The following ITPR1 variants were observed in gnomAD, a reference collection of about 807,000 sequenced individuals.
The protein encoded by ITPR1 is inositol 1,4,5-trisphosphate-gated calcium channel ITPR1.
Under a neutral mutation model 318.4 loss-of-function variants are expected in ITPR1, and 96 were observed. The ratio of observed to expected loss-of-function variants is 0.30; its 90% confidence interval spans 0.26 to 0.36. The LOEUF is 0.36. Ranked by LOEUF, ITPR1 falls within the 10% of genes least tolerant of loss-of-function variation. The probability of loss-of-function intolerance (pLI) is 1.00; values close to 1 mark genes in which losing one functional copy is unlikely to be tolerated. For missense variants in ITPR1, 2,440 were observed against 3,460.2 expected (o/e 0.71, Z 7.40); for synonymous variants, 1,312 against 1,289.9 (o/e 1.02, Z -0.37).
chr3:4,537,522 A>G (rs184983823), intron 4 of ITPR1, among the ~76,000 whole-genome samples: 25 of 152,320 alleles, frequency 1.6e-4, no homozygotes, highest in African/African-American at 5.5e-4. Flanking sequence ...CTCATATGGT[A>G]TAGGGATTTC....
chr3:4,499,769 G>A (rs917220856), intron 2 of ITPR1, among the ~76,000 whole-genome samples: 1 of 152,150 alleles, frequency 6.6e-6, no homozygotes, highest in Non-Finnish European at 1.5e-5. Context: ...CCATAATTTG[G>A]TAGTTAGATG....
intron 4 of ITPR1, among the ~76,000 whole-genome samples, chr3:4,624,772 G>C (rs117480257): frequency 6.6e-6 from 1 of 151,456 alleles, no homozygotes; most frequent in African/African-American, 2.4e-5. Context: ...GAAACACATA[G>C]ATGCTTTGGG....
intron 44 of ITPR1, chr3:4,751,123 C>T (rs1472491735): frequency 6.6e-6 from 1 of 152,612 alleles, no homozygotes; most frequent in Admixed American, 6.5e-5. Flanking sequence ...CCTCCTTTGT[C>T]CTCTTGCCCT....
chr3:4,796,822 T>G (rs1041821255), intron 53 of ITPR1, among the ~76,000 whole-genome samples: 16 of 152,328 alleles, frequency 1.1e-4, no homozygotes, highest in Admixed American at 5.9e-4. Flanking sequence ...CTTGTCATCC[T>G]TTATGTGAAG....
chr3:4,575,053 C>T lies in ITPR1; in HGVS notation c.164-52710C>T, dbSNP rs191634152. On this transcript the variant is annotated intron_variant, in intron 4 of 61. Transcript: ENST00000649015. ...GTACGTTTATGAAAATTCAGGTTCT[C>T]TACTTATGATTTCTGTACTTTTCTT... Among the ~76,000 whole-genome samples, 25 of 152,342 alleles carry T rather than the reference C, an allele frequency of 1.6e-4. No homozygotes were observed. In the East Asian group the frequency reaches 3.3e-3, roughly 20 times the overall value.
intron 33 of ITPR1, among the ~76,000 whole-genome samples, chr3:4,693,989 C>T (rs918073891): frequency 1.3e-5 from 2 of 152,222 alleles, no homozygotes; most frequent in African/African-American, 4.8e-5. Flanking sequence ...AAAGCTTCAG[C>T]TCTGTGGACT....
At chr3:4,610,873 T>TGTTCCCTTTCCCTTTCCG (rs2092031940) in intron 4 of ITPR1, among the ~76,000 whole-genome samples, 1 of 138,226 alleles carries the variant, frequency 7.2e-6, no homozygotes, top group East Asian at 2.6e-4. Context: ...TTCCCTTTCC[T>TGTTCCCTTTCCCTTTCCG]TTCCTCTCTC....
chr3:4,704,760 G>A (rs867655572), intron 36 of ITPR1, among the ~76,000 whole-genome samples: 1 of 151,442 alleles, frequency 6.6e-6, no homozygotes, highest in Admixed American at 6.6e-5. Flanking sequence ...TCTGTGGAAC[G>A]GTAAGACATG....
chr3:4,784,074 T>C (rs1159095648), intron 51 of ITPR1, among the ~76,000 whole-genome samples, 154 bp downstream of exon 51: 2 of 152,084 alleles, frequency 1.3e-5, no homozygotes, highest in Non-Finnish European at 2.9e-5. Context: ...GGACATCCCA[T>C]GGCCAAGACA....
rs57756103 is a variant in ITPR1 at position 4,566,604 on chromosome 3, G to GCACACACACACACACACACACA, written c.163+45528_163+45549dup. On this transcript the variant is annotated intron_variant, in intron 4 of 61. Transcript: ENST00000649015. ...CCAGGAAGCCTGAATGGGGACACAT[G>GCACACACACACACACACACACA]CACACACACACACACACACACACAC... is the stretch of plus-strand genomic sequence containing the variant. 6.7e-4 allele frequency among the ~76,000 whole-genome samples: 95 copies of GCACACACACACACACACACACA among 140,986 alleles called. 1 individual carries two copies. Among genetic ancestry groups the GCACACACACACACACACACACA allele is most frequent in the African/African-American group, 2.3e-3 (85 of 37,100 alleles). 92.5% of individuals were successfully genotyped at this position (140,986 alleles called of 152,430 possible). A position where few individuals can be genotyped will look rare whatever the true frequency, so the allele number is the denominator to read the frequency against.
chr3:4,555,590 T>C (rs1216123376), intron 4 of ITPR1, among the ~76,000 whole-genome samples: 2 of 152,216 alleles, frequency 1.3e-5, no homozygotes, highest in African/African-American at 2.4e-5. Flanking sequence ...AAGTGGGTTA[T>C]GAAGCCATGA....
intron 60 of ITPR1, among the ~76,000 whole-genome samples, chr3:4,818,676 G>A (rs573579672): frequency 1.3e-5 from 2 of 152,152 alleles, no homozygotes; most frequent in African/African-American, 4.8e-5. Flanking sequence ...AGCATGGTTT[G>A]TGTTTGCCCT....
chr3:4,767,598 A>G (rs2045902591), intron 45 of ITPR1, among the ~76,000 whole-genome samples: 1 of 152,266 alleles, frequency 6.6e-6, no homozygotes, highest in Non-Finnish European at 1.5e-5. Flanking sequence ...TGCTCACTGC[A>G]ACGTCCAACT....
At chr3:4,690,251 G>C (rs558645721) in intron 31 of ITPR1, among the ~76,000 whole-genome samples, 3 of 152,248 alleles carry the variant, frequency 2.0e-5, no homozygotes, top group African/African-American at 4.8e-5. Flanking sequence ...TTCCAGCCTG[G>C]GTGACAAAGC....
chr3:4,498,108 C>A (rs182533303), intron 2 of ITPR1, among the ~76,000 whole-genome samples: 1 of 152,198 alleles, frequency 6.6e-6, no homozygotes, highest in Admixed American at 6.5e-5. Flanking sequence ...TGAAAAAGTT[C>A]TGGAAATGGA....
intron 4 of ITPR1, among the ~76,000 whole-genome samples, chr3:4,556,646 C>T (rs1254440844): frequency 1.3e-5 from 2 of 152,038 alleles, no homozygotes; most frequent in East Asian, 1.9e-4. Context: ...CTCTATAGCC[C>T]GTTTCTTTTC....
At chr3:4,581,761 T>G (rs116792445) in intron 4 of ITPR1, among the ~76,000 whole-genome samples, 1,955 of 152,242 alleles carry the variant, frequency 0.013, 51 homozygotes, top group African/African-American at 0.044. Context: ...CAAGAACTAG[T>G]TTTGCAAGGT....
intron 37 of ITPR1, among the ~76,000 whole-genome samples, chr3:4,708,034 G>A (rs1051602398): frequency 1.3e-5 from 2 of 152,130 alleles, no homozygotes; most frequent in African/African-American, 4.8e-5. Flanking sequence ...AGTGAGGAGC[G>A]CTTGAAAGAT....
chr3:4,807,681 C>A (rs563993190), intron 55 of ITPR1, among the ~76,000 whole-genome samples: 5 of 152,310 alleles, frequency 3.3e-5, no homozygotes, highest in African/African-American at 7.2e-5. Flanking sequence ...GGAATGGATT[C>A]TTTTCCCTCA....
Sources: gnomAD v4.1 joint callset for allele counts (sites outside exome capture counted in the v4.1 genomes callset) on GRCh38, gnomAD v4.1.1 for gene constraint, MANE v1.5 for transcripts, NCBI Gene and HGNC (gene_info 2026-07-23, HGNC 2026-07-21) for gene names.